The following WNT3A variants were observed in gnomAD, a reference collection of about 807,000 sequenced individuals.
The protein encoded by WNT3A is protein Wnt-3a.
WNT3A carries 17 observed loss-of-function variants against 37.0 expected under a neutral mutation model. That is an observed-to-expected ratio of 0.46 (90% CI 0.31 to 0.69). The LOEUF is 0.69. Among genes scored for constraint, WNT3A ranks in the 30% least tolerant of loss-of-function variants. The pLI, the probability that WNT3A is intolerant of heterozygous loss-of-function variation, is 0.05. For synonymous variants in WNT3A, 187 were observed against 211.0 expected (o/e 0.89, Z 0.99); for missense variants, 411 against 510.2 (o/e 0.81, Z 1.87).
At chr1:228,022,558 C>T (rs576287408) in intron 1 of WNT3A, 109 bp from the exon 2 acceptor site, 18 of 1,336,298 alleles carry the variant, frequency 1.3e-5, no homozygotes, top group Middle Eastern at 3.9e-4. Context: ...GTGGAAGCTG[C>T]GTCTCGCCCC....
chr1:228,045,122 T>C lies in WNT3A; in HGVS notation c.314-5534T>C, dbSNP rs146316881. On this transcript the variant is annotated intron_variant, in intron 2 of 3. Transcript: ENST00000284523. ...CCTTGCCCTTGAGTGTGTCTGGCTATTGGGGCTGTTTGCCTGAGTTTTGAT... is the reference window on the plus strand; with the variant it reads ...CCTTGCCCTTGAGTGTGTCTGGCTACTGGGGCTGTTTGCCTGAGTTTTGAT... 2.0e-4 allele frequency among the ~76,000 whole-genome samples: 31 copies of C among 152,306 alleles called. 1 individual carries two copies. The East Asian group carries it at 5.6e-3, about 28-fold the overall frequency.
At chr1:228,040,885 CAAAA>C (rs11328093) in intron 2 of WNT3A, among the ~76,000 whole-genome samples, 3 of 118,682 alleles carry the variant, frequency 2.5e-5, no homozygotes, top group Non-Finnish European at 3.5e-5. Flanking sequence ...GACTCTATCT[CAAAA>C]AAAAAAAAAA....
intron 1 of WNT3A, among the ~76,000 whole-genome samples, chr1:228,010,643 A>G (rs2030343211): frequency 6.6e-6 from 1 of 152,148 alleles, no homozygotes; most frequent in Admixed American, 6.5e-5. Flanking sequence ...CTGCTGGACT[A>G]TGGGATCCCA....
At chr1:228,013,568 C>T (rs2030439974) in intron 1 of WNT3A, among the ~76,000 whole-genome samples, 1 of 152,174 alleles carries the variant, frequency 6.6e-6, no homozygotes, top group Non-Finnish European at 1.5e-5. Context: ...GTTGGGAGAG[C>T]TCCAGGCAGG....
intron 2 of WNT3A, among the ~76,000 whole-genome samples, chr1:228,027,674 G>A (rs1244551387): frequency 2.0e-5 from 3 of 151,950 alleles, no homozygotes; most frequent in South Asian, 2.1e-4. Context: ...CTGGATATTC[G>A]CCTTTGTCAA....
intron 1 of WNT3A, among the ~76,000 whole-genome samples, chr1:228,010,772 C>T (rs746383440): frequency 1.3e-5 from 2 of 152,254 alleles, no homozygotes; most frequent in Admixed American, 6.5e-5. Flanking sequence ...CTCATGCTCC[C>T]TCCAGGGTCT....
intron 1 of WNT3A, among the ~76,000 whole-genome samples, chr1:228,011,111 C>T (rs1443251454): frequency 6.6e-6 from 1 of 152,090 alleles, no homozygotes; most frequent in Non-Finnish European, 1.5e-5. Flanking sequence ...GAAGAGGGGT[C>T]GGGTGAAGAG....
intron 1 of WNT3A, among the ~76,000 whole-genome samples, chr1:228,020,950 G>A (rs529612504): frequency 2.0e-5 from 3 of 152,290 alleles, no homozygotes; most frequent in South Asian, 2.1e-4. Flanking sequence ...TGGACACATC[G>A]ACAGGTGGTC....
chr1:228,024,650 C>G (rs749436578), intron 2 of WNT3A, among the ~76,000 whole-genome samples: 1 of 152,068 alleles, frequency 6.6e-6, no homozygotes, highest in Non-Finnish European at 1.5e-5. Flanking sequence ...CTTTGATACA[C>G]AAAATTTTTT....
At chr1:228,051,961 G>A (rs925095241) in intron 3 of WNT3A, among the ~76,000 whole-genome samples, 2 of 152,110 alleles carry the variant, frequency 1.3e-5, no homozygotes, top group African/African-American at 4.8e-5. Context: ...TGAGGGATCT[G>A]CCCCCATAAC....
At position 228,013,503 on chromosome 1, in the gene WNT3A, G is replaced by A. The variant is rs559922971; in HGVS notation, c.71+6304G>A. Among the ~76,000 whole-genome samples, 13 of 152,322 alleles carry A rather than the reference G, an allele frequency of 8.5e-5. 1 individual carries two copies. The East Asian group carries it at 9.7e-4, about 11-fold the overall frequency. The stretch of plus-strand genomic sequence containing the variant: ...GGAGCCGCTGTGCCTGCTGGGACTC[G>A]TTCAAAGTATGTGTCAGTAATCCCA... On this transcript the variant is annotated intron_variant, in intron 1 of 3. Transcript: ENST00000284523.
At chr1:228,047,841 T>C (rs1466769380) in intron 2 of WNT3A, among the ~76,000 whole-genome samples, 1 of 151,780 alleles carries the variant, frequency 6.6e-6, no homozygotes, top group East Asian at 1.9e-4. Context: ...AACAACCAGA[T>C]CTTGCAAGAA....
Position 228,007,080 on chromosome 1 carries a change from T to G in WNT3A, c.-49T>G. On this transcript the variant is annotated 5_prime_UTR_variant, in exon 1 of 4. Coordinates refer to ENST00000284523, the MANE Select transcript of WNT3A (RefSeq NM_033131.4). This position sits in a 1 kb window ranked among gnomAD's most constrained non-coding sequence, Gnocchi z 6.0. ...CCCAGGGCCCGGCCCCCCCCGGCGC[T>G]CACGCTCTCGGGGCGGACTCCCGGC... 7.0e-7 allele frequency: 1 copy of G among 1,426,746 alleles called. No homozygotes were observed. Among genetic ancestry groups the G allele is most frequent in the Non-Finnish European group, 9.3e-7 (1 of 1,073,252 alleles). The allele number at this position is 1,426,746 out of a possible 1,614,324, so 88.4% of individuals were successfully genotyped here.
chr1:228,026,147 T>A (rs867020829), intron 2 of WNT3A, among the ~76,000 whole-genome samples: 3 of 146,236 alleles, frequency 2.1e-5, no homozygotes, highest in Non-Finnish European at 3.0e-5. Context: ...TTTTTTTTTT[T>A]AGTTTTGATC....
chr1:228,051,643 G>A (rs882451), intron 3 of WNT3A, among the ~76,000 whole-genome samples: 12,012 of 150,766 alleles, frequency 0.08, 543 homozygotes, highest in South Asian at 0.12. Context: ...GGTGTGGATC[G>A]CTCTGGGGTT....
rs1036383640 is a variant in WNT3A at position 228,011,923 on chromosome 1, C to T, written c.71+4724C>T. 6.6e-5 allele frequency among the ~76,000 whole-genome samples: 10 copies of T among 152,234 alleles called. No individual in the cohort carries two copies. The South Asian group carries it at 1.2e-3, about 19-fold the overall frequency. On this transcript the variant is annotated intron_variant, in intron 1 of 3. Coordinates refer to ENST00000284523, the MANE Select transcript of WNT3A (RefSeq NM_033131.4). ...CTGCATAACTGCCAGGATCCGTAGCCGCCTCAGGGACGCACAGCACCCTTC... is the reference window on the plus strand; with the variant it reads ...CTGCATAACTGCCAGGATCCGTAGCTGCCTCAGGGACGCACAGCACCCTTC...
intron 3 of WNT3A, 33 bp from the exon 4 acceptor site, chr1:228,058,953 G>T (rs781647995): frequency 4.4e-6 from 7 of 1,574,228 alleles, no homozygotes; most frequent in South Asian, 2.3e-5. Flanking sequence ...CCAGGGGGCC[G>T]CCCTGACGCT....
At chr1:228,034,417 A>T (rs1274041524) in intron 2 of WNT3A, among the ~76,000 whole-genome samples, 4 of 152,104 alleles carry the variant, frequency 2.6e-5, no homozygotes, top group Non-Finnish European at 5.9e-5. Flanking sequence ...AGATAGTTTT[A>T]TTTCTTCCTT....
chr1:228,011,980 G>A (rs1407117616), intron 1 of WNT3A, among the ~76,000 whole-genome samples: 4 of 152,244 alleles, frequency 2.6e-5, no homozygotes, highest in Non-Finnish European at 4.4e-5. Context: ...CCTGGTGCTC[G>A]CACCTCAGGC....
Sources: gnomAD v4.1 joint callset for allele counts (sites outside exome capture counted in the v4.1 genomes callset) on GRCh38, gnomAD v4.1.1 for gene constraint, Gnocchi (gnomAD v3.1) non-coding constraint, MANE v1.5 for transcripts, NCBI Gene and HGNC (gene_info 2026-07-23, HGNC 2026-07-21) for gene names.